Variants in PPP2R5C observed in about 807,000 individuals in gnomAD.
PPP2R5C encodes serine/threonine-protein phosphatase 2A 56 kDa regulatory subunit gamma isoform.
In PPP2R5C, 7 loss-of-function variants were observed where a neutral mutation model predicts 68.9. The observed-to-expected ratio is 0.10, with a 90% CI of 0.06 to 0.19. PPP2R5C has a LOEUF of 0.19. Ranked by LOEUF, PPP2R5C falls within the 10% of genes least tolerant of loss-of-function variation. PPP2R5C has a pLI of 1.00. For synonymous variants in PPP2R5C, 210 were observed against 222.2 expected, an observed-to-expected ratio of 0.95 and a Z score of 0.49; for missense variants, 348 against 641.3, an observed-to-expected ratio of 0.54 and a Z score of 4.94.
intron 8 of PPP2R5C, among the ~76,000 whole-genome samples, chr14:101,898,345 G>A (rs2045484488): frequency 6.6e-6 from 1 of 152,112 alleles, no homozygotes; most frequent in Non-Finnish European, 1.5e-5. Flanking sequence ...CTAAGCCACT[G>A]TCCCAGCATC....
chr14:101,770,798 A>G (rs1187029177), intron 2 of PPP2R5C, among the ~76,000 whole-genome samples: 1 of 152,282 alleles, frequency 6.6e-6, no homozygotes, highest in Non-Finnish European at 1.5e-5. Flanking sequence ...TAGCCCTGCC[A>G]TGTGATGGTG....
chr14:101,890,162 G>A, intron 5 of PPP2R5C, 75 bp from the exon 8 acceptor site: 1 of 1,341,144 alleles, frequency 7.5e-7, no homozygotes, highest in Admixed American at 1.8e-5. Flanking sequence ...TGGCTCCATG[G>A]CTCCTCCTAG....
At chr14:101,809,970 A>C in exon 1 of PPP2R5C, 1 of 1,614,006 alleles carries the variant, frequency 6.2e-7, no homozygotes. Context: ...AGCGGGCAGC[A>C]GGATGGTGGT....
At chr14:101,868,625 C>G (rs915650696) in intron 2 of PPP2R5C, among the ~76,000 whole-genome samples, 4 of 152,108 alleles carry the variant, frequency 2.6e-5, no homozygotes, top group Admixed American at 1.3e-4. Flanking sequence ...TAAATTATAT[C>G]TCAGTAAAGC....
upstream of PPP2R5C, among the ~76,000 whole-genome samples, chr14:101,761,052 G>A (rs2036492868): frequency 7.3e-6 from 1 of 136,830 alleles, no homozygotes; most frequent in Non-Finnish European, 1.6e-5. Context: ...GGGACGGAGG[G>A]GAGGGGAGTG....
exon 3 of PPP2R5C, chr14:101,786,182 A>G: frequency 6.5e-7 from 1 of 1,547,012 alleles, no homozygotes. Flanking sequence ...CATCCTTAAA[A>G]GGTAATTTTT....
intron 2 of PPP2R5C, among the ~76,000 whole-genome samples, chr14:101,873,095 G>A (rs2043527383): frequency 6.6e-6 from 1 of 151,788 alleles, no homozygotes. Flanking sequence ...AGATCTGTGG[G>A]TACATATTGT....
chr14:101,888,936 C>T lies in PPP2R5C; in HGVS notation c.630-1301C>T, dbSNP rs1439225909. Among the ~76,000 whole-genome samples the T allele has an allele frequency of 6.6e-6, 1 of 152,098 alleles. No individual in the cohort carries two copies. The highest frequency in any genetic ancestry group is 1.5e-5 in the Non-Finnish European group (1 of 68,014). Reference sequence around the variant, plus strand: ...CTGGCCTTCCAGCCTCTCCATGCATCTTGCCCACCCCACTCCACGGCACAG... The same window carrying T: ...CTGGCCTTCCAGCCTCTCCATGCATTTTGCCCACCCCACTCCACGGCACAG... On this transcript the variant is annotated intron_variant, in intron 5 of 13. Coordinates refer to ENST00000334743, the Ensembl canonical transcript of PPP2R5C. This position sits in a 1 kb window ranked among gnomAD's most constrained non-coding sequence, Gnocchi z 5.6.
intron 10 of PPP2R5C, among the ~76,000 whole-genome samples, chr14:101,908,454 G>A (rs1006618679): frequency 5.9e-5 from 9 of 152,096 alleles, no homozygotes; most frequent in African/African-American, 2.2e-4. Flanking sequence ...GCTCACTGCA[G>A]CCTCCACCTC....
At chr14:101,895,984 T>C (rs1031969439) in intron 8 of PPP2R5C, among the ~76,000 whole-genome samples, 5 of 152,160 alleles carry the variant, frequency 3.3e-5, no homozygotes, top group Non-Finnish European at 5.9e-5. Flanking sequence ...GTGCTGATGC[T>C]GCTGCTGCTG....
At chr14:101,761,469 G>A (rs909754051), upstream of PPP2R5C, among the ~76,000 whole-genome samples, 9 of 149,588 alleles carry the variant, frequency 6.0e-5, no homozygotes, top group Non-Finnish European at 1.0e-4. Flanking sequence ...GACGGAGGGC[G>A]GGGGCGTGAA....
chr14:101,828,237 C>T (rs536528123), intron 1 of PPP2R5C, among the ~76,000 whole-genome samples: 19 of 151,522 alleles, frequency 1.3e-4, no homozygotes, highest in Non-Finnish European at 2.2e-4. Flanking sequence ...CCAGGGGCTG[C>T]GGGGAGGGAG....
At chr14:101,799,641 C>T (rs1284097060) in intron 3 of PPP2R5C, among the ~76,000 whole-genome samples, 1 of 152,146 alleles carries the variant, frequency 6.6e-6, no homozygotes, top group Non-Finnish European at 1.5e-5. Flanking sequence ...ACTCTGGAGA[C>T]CCAGTTGAAC....
upstream of PPP2R5C, chr14:101,760,755 G>A: frequency 1.2e-6 from 1 of 851,658 alleles, no homozygotes; most frequent in Non-Finnish European, 1.3e-6. Flanking sequence ...CGAGGGGAGG[G>A]GCTGGTCGAG....
chr14:101,764,542 C>T (rs2036752441), intron 2 of PPP2R5C, among the ~76,000 whole-genome samples: 1 of 152,196 alleles, frequency 6.6e-6, no homozygotes, highest in Non-Finnish European at 1.5e-5. Context: ...GAACCTCCCT[C>T]CTCTTCAGCA....
chr14:101,803,488 G>A (rs1222055472), intron 3 of PPP2R5C, among the ~76,000 whole-genome samples: 2 of 152,120 alleles, frequency 1.3e-5, no homozygotes, highest in Non-Finnish European at 2.9e-5. Flanking sequence ...ACTTTGGGAG[G>A]CCAAGGCAGG....
intron 2 of PPP2R5C, among the ~76,000 whole-genome samples, chr14:101,769,358 T>C (rs973921931): frequency 6.6e-6 from 1 of 152,230 alleles, no homozygotes; most frequent in Non-Finnish European, 1.5e-5. Context: ...TCAGTTGAGC[T>C]CGAGTCTTCT....
rs867680152 is a variant in PPP2R5C at position 101,922,038 on chromosome 14, G to A, written c.1444-3103G>A. Reference sequence around the variant, plus strand: ...GCAAGTAAGGAAGGTGTAGAGAGACGGAAGGTGGGCAGTGCAGGCTCTCAT... The same window carrying A: ...GCAAGTAAGGAAGGTGTAGAGAGACAGAAGGTGGGCAGTGCAGGCTCTCAT... On this transcript the variant is annotated intron_variant, in intron 13 of 13. Transcript: ENST00000334743. The A allele has an allele frequency of 1.3e-5, 13 of 985,298 alleles. No individual in the cohort carries two copies. The East Asian group carries it at 3.4e-4, about 26-fold the overall frequency. The allele number at this position is 985,298 out of a possible 1,614,324, so 61.0% of individuals were successfully genotyped here.
chr14:101,817,010 T>C (rs1008429330), intron 1 of PPP2R5C, among the ~76,000 whole-genome samples: 1 of 148,268 alleles, frequency 6.7e-6, no homozygotes, highest in Non-Finnish European at 1.5e-5. Flanking sequence ...CAGGCTGGAG[T>C]GCAGTGGAGC....
Sources: gnomAD v4.1 joint callset for allele counts (sites outside exome capture counted in the v4.1 genomes callset) on GRCh38, gnomAD v4.1.1 for gene constraint, Gnocchi (gnomAD v3.1) non-coding constraint, MANE v1.5 for transcripts, NCBI Gene and HGNC (gene_info 2026-07-23, HGNC 2026-07-21) for gene names.